Variants in CADPS2 observed in about 807,000 individuals in gnomAD.
CADPS2 encodes the protein calcium-dependent secretion activator 2.
A neutral mutation model predicts 172.5 loss-of-function variants in CADPS2; 93 were observed. That is an observed-to-expected ratio of 0.54 (90% CI 0.46 to 0.64). The LOEUF (loss-of-function observed/expected upper bound fraction) is 0.64, where lower values mean the gene tolerates loss of function less well. Ranked by LOEUF, CADPS2 falls within the 30% of genes least tolerant of loss-of-function variation. The probability of loss-of-function intolerance (pLI) is 0.00; values close to 1 mark genes in which losing one functional copy is unlikely to be tolerated. For missense variants in CADPS2, 1,420 were observed against 1,565.9 expected (o/e 0.91, Z 1.57); for synonymous variants, 546 against 555.2 (o/e 0.98, Z 0.23).
chr7:122,447,124 T>C (rs1398375607), intron 15 of CADPS2, among the ~76,000 whole-genome samples: 1 of 151,158 alleles, frequency 6.6e-6, no homozygotes, highest in Non-Finnish European at 1.5e-5. Context: ...TAACATCATT[T>C]TGCAGGGGTT....
intron 8 of CADPS2, among the ~76,000 whole-genome samples, chr7:122,533,490 C>A (rs139463795): frequency 7.9e-5 from 12 of 152,280 alleles, no homozygotes; most frequent in Non-Finnish European, 1.3e-4. Flanking sequence ...CAAACTCACA[C>A]TGCTTAACGG....
chr7:122,527,874 C>G (rs1367267713), intron 8 of CADPS2, among the ~76,000 whole-genome samples: 1 of 151,822 alleles, frequency 6.6e-6, no homozygotes, highest in African/African-American at 2.4e-5. Context: ...TCCCCCAAAA[C>G]AGAGAGAGAA....
intron 8 of CADPS2, among the ~76,000 whole-genome samples, chr7:122,531,269 G>A (rs1586907912): frequency 6.6e-6 from 1 of 152,226 alleles, no homozygotes; most frequent in Non-Finnish European, 1.5e-5. Flanking sequence ...GGAAGAGAAA[G>A]AAGAAGAGGT....
At chr7:122,526,427 A>G (rs1235546473) in intron 8 of CADPS2, among the ~76,000 whole-genome samples, 1 of 152,086 alleles carries the variant, frequency 6.6e-6, no homozygotes, top group Non-Finnish European at 1.5e-5. Context: ...TCCTCGCCTC[A>G]GGTGATCTGC....
At chr7:122,764,236 A>G (rs1295979287) in intron 1 of CADPS2, among the ~76,000 whole-genome samples, 2 of 151,972 alleles carry the variant, frequency 1.3e-5, no homozygotes, top group South Asian at 2.1e-4. Flanking sequence ...TTCCTACATC[A>G]CCCTATTCAT....
chr7:122,523,918 C>T (rs1489963868), intron 8 of CADPS2, among the ~76,000 whole-genome samples: 1 of 152,124 alleles, frequency 6.6e-6, no homozygotes, highest in Non-Finnish European at 1.5e-5. Context: ...AGGTCTATTC[C>T]TCCATCCTCT....
intron 2 of CADPS2, among the ~76,000 whole-genome samples, chr7:122,705,025 A>G (rs149998523): frequency 2.5e-4 from 38 of 152,206 alleles, no homozygotes; most frequent in African/African-American, 8.2e-4. Flanking sequence ...AAACTCTCCC[A>G]ACCCCGATGG....
At chr7:122,742,249 G>A (rs1434334889) in intron 1 of CADPS2, among the ~76,000 whole-genome samples, 1 of 151,898 alleles carries the variant, frequency 6.6e-6, no homozygotes, top group Non-Finnish European at 1.5e-5. Context: ...ACAAAAATTA[G>A]CCGGGTGTGG....
Position 122,480,866 on chromosome 7 carries a change from G to C in CADPS2, c.1853-6C>G. On this transcript the variant is annotated splice_region_variant and splice_polypyrimidine_tract_variant and intron_variant, in intron 11 of 29. Transcript: ENST00000449022. ...AAAATACTTACCTTTACCAGCTACA[G>C]GTCAGCAAAGAAATGAGAAACAAAG... 2 of 1,518,548 alleles carry C rather than the reference G, an allele frequency of 1.3e-6. No homozygotes were observed. Among genetic ancestry groups the C allele is most frequent in the Non-Finnish European group, 8.8e-7 (1 of 1,136,572 alleles). 94.1% of individuals were successfully genotyped at this position (1,518,548 alleles called of 1,614,324 possible).
intron 2 of CADPS2, among the ~76,000 whole-genome samples, chr7:122,670,741 T>A (rs2081743364): frequency 6.6e-6 from 1 of 151,608 alleles, no homozygotes; most frequent in Admixed American, 6.6e-5. Flanking sequence ...CCTCAAGTGA[T>A]CCACCTGCCT....
intron 17 of CADPS2, among the ~76,000 whole-genome samples, chr7:122,436,203 C>A (rs938866394): frequency 2.0e-5 from 3 of 152,040 alleles, no homozygotes; most frequent in African/African-American, 7.2e-5. Context: ...CTATAGATTG[C>A]AATGATCGTT....
At chr7:122,524,408 A>G (rs2061041269) in intron 8 of CADPS2, among the ~76,000 whole-genome samples, 1 of 152,112 alleles carries the variant, frequency 6.6e-6, no homozygotes, top group African/African-American at 2.4e-5. Context: ...TCTATAAACT[A>G]CATACACTCT....
intron 25 of CADPS2, among the ~76,000 whole-genome samples, chr7:122,362,587 T>G (rs2040302268): frequency 6.6e-6 from 1 of 152,208 alleles, no homozygotes; most frequent in African/African-American, 2.4e-5. Context: ...ATCTTAAGAA[T>G]GACATACTGC....
chr7:122,727,504 A>G (rs1456341995), intron 2 of CADPS2, among the ~76,000 whole-genome samples: 2 of 151,696 alleles, frequency 1.3e-5, no homozygotes, highest in African/African-American at 2.4e-5. Context: ...GAGAATGAAG[A>G]GTTAACAGAG....
chr7:122,622,623 T>A (rs73719723), intron 4 of CADPS2, among the ~76,000 whole-genome samples: 5,115 of 152,238 alleles, frequency 0.034, 268 homozygotes, highest in African/African-American at 0.12. Context: ...TTCTTTAATG[T>A]TTGCCAACCT....
chr7:122,730,293 A>T (rs2091520521), intron 2 of CADPS2, among the ~76,000 whole-genome samples: 1 of 151,756 alleles, frequency 6.6e-6, no homozygotes, highest in Admixed American at 6.6e-5. Context: ...CATTTATTTT[A>T]TGATAATACC....
At chr7:122,477,040 GAGGAGAGAGAGA>G (rs1386044210) in intron 12 of CADPS2, among the ~76,000 whole-genome samples, 868 of 58,542 alleles carry the variant, frequency 0.015, 17 homozygotes, top group Middle Eastern at 0.028. Context: ...GAGGAGAGGA[GAGGAGAGAGAGA>G]AGAGAGAGAG....
chr7:122,400,288 T>G (rs946103535), intron 20 of CADPS2, among the ~76,000 whole-genome samples: 1 of 151,320 alleles, frequency 6.6e-6, no homozygotes, highest in Non-Finnish European at 1.5e-5. Flanking sequence ...ATACAAAAAA[T>G]TAGCTGGGTG....
chr7:122,369,758 A>C (rs2041525912), intron 25 of CADPS2: 1 of 152,208 alleles, frequency 6.6e-6, no homozygotes, highest in Non-Finnish European at 1.5e-5. Flanking sequence ...CCATAAACCT[A>C]AGAGTACTCC....
Sources: gnomAD v4.1 joint callset for allele counts (sites outside exome capture counted in the v4.1 genomes callset) on GRCh38, gnomAD v4.1.1 for gene constraint, MANE v1.5 for transcripts, NCBI Gene and HGNC (gene_info 2026-07-23, HGNC 2026-07-21) for gene names.